SPAST: variants seen among roughly 807,000 people sequenced by gnomAD.
The protein encoded by SPAST is spastin, also known as spastic paraplegia 4 (autosomal dominant; spastin).
In SPAST, 30 loss-of-function variants were observed where a neutral mutation model predicts 76.6. The ratio of observed to expected loss-of-function variants is 0.39; its 90% CI spans 0.29 to 0.53. The LOEUF (loss-of-function observed/expected upper bound fraction) is 0.53. SPAST is among the 20% of genes least tolerant of loss of function. The pLI, the probability that SPAST is intolerant of heterozygous loss-of-function variation, is 0.68. For missense variants in SPAST, 717 were observed against 770.5 expected, an observed-to-expected ratio of 0.93 and a Z score of 0.82; for synonymous variants, 305 against 281.0, an observed-to-expected ratio of 1.09 and a Z score of -0.86.
intron 1 of SPAST, among the ~76,000 whole-genome samples, chr2:32,068,952 G>A (rs1408184082): frequency 6.6e-6 from 1 of 151,734 alleles, no homozygotes; most frequent in African/African-American, 2.4e-5. Flanking sequence ...GCCCATGCCT[G>A]TTATCCCAGC....
At chr2:32,101,530 C>T (rs1558313668) in intron 4 of SPAST, among the ~76,000 whole-genome samples, 1 of 152,132 alleles carries the variant, frequency 6.6e-6, no homozygotes, top group Non-Finnish European at 1.5e-5. Flanking sequence ...GGCATGAAGT[C>T]CTTGCCCATG....
chr2:32,154,669 C>T lies in SPAST; in HGVS notation c.*173C>T, dbSNP rs1407906060. 3.0e-6 allele frequency: 2 copies of T among 667,664 alleles called. No homozygotes were observed. Among genetic ancestry groups the T allele is most frequent in the Non-Finnish European group, 5.1e-6 (2 of 392,910 alleles). 41.4% of individuals were successfully genotyped at this position (667,664 alleles called of 1,614,324 possible). A position where few individuals can be genotyped will look rare whatever the true frequency, so the allele number is the denominator to read the frequency against. The stretch of plus-strand genomic sequence containing the variant: ...AGAAAACAGACTTAAACAAAATATA[C>T]AATGCAAATGTAATTTTTTGTTGTT... On this transcript the variant is annotated 3_prime_UTR_variant, in exon 17 of 17. Coordinates refer to ENST00000315285, the MANE Select transcript of SPAST (RefSeq NM_014946.4).
In SPAST at chr2:32,144,833, G is replaced by A. The variant is rs1254293157; in HGVS notation, c.1617-104G>A. 6 of 737,222 alleles carry A rather than the reference G, an allele frequency of 8.1e-6. No individual in the cohort carries two copies. In the East Asian group the frequency reaches 8.5e-5, roughly 10 times the overall value. The allele number at this position is 737,222 out of a possible 1,614,324, so 45.7% of individuals were successfully genotyped here. On this transcript the variant is annotated intron_variant, in intron 14 of 16. Transcript: ENST00000315285. ...CAGGAGGTGGAGATCACAGTGAGCTGAGATCATGCCATTGCACTCCAGCCT... is the reference window on the plus strand; with the variant it reads ...CAGGAGGTGGAGATCACAGTGAGCTAAGATCATGCCATTGCACTCCAGCCT...
chr2:32,071,146 C>T (rs1463998863), intron 1 of SPAST, among the ~76,000 whole-genome samples: 1 of 152,148 alleles, frequency 6.6e-6, no homozygotes, highest in African/African-American at 2.4e-5. Context: ...CGGAAATCTC[C>T]TGGGTAACAC....
chr2:32,118,004 C>G (rs1428683335), intron 7 of SPAST, among the ~76,000 whole-genome samples: 2 of 152,056 alleles, frequency 1.3e-5, no homozygotes, highest in Non-Finnish European at 2.9e-5. Flanking sequence ...TACTTAGCAC[C>G]GTTTTGAATT....
chr2:32,152,575 T>C (rs931034209), intron 16 of SPAST, among the ~76,000 whole-genome samples: 1 of 152,164 alleles, frequency 6.6e-6, no homozygotes, highest in African/African-American at 2.4e-5. Flanking sequence ...TATTAATTTC[T>C]ATAACAAATA....
chr2:32,138,864 A>T (rs562419370), intron 12 of SPAST, among the ~76,000 whole-genome samples: 1 of 152,186 alleles, frequency 6.6e-6, no homozygotes, highest in South Asian at 2.1e-4. Context: ...GTCCAGTTTC[A>T]TTTTTCTACA....
chr2:32,115,897 AC>A (rs769610857), intron 6 of SPAST, 62 bp downstream of exon 6: 428 of 1,332,876 alleles, frequency 3.2e-4, no homozygotes, highest in Non-Finnish European at 4.3e-4. Context: ...TACTTATAAA[AC>A]ATGTCAGGAG....
At chr2:32,100,768 T>C (rs1303557160) in intron 4 of SPAST, among the ~76,000 whole-genome samples, 1 of 152,200 alleles carries the variant, frequency 6.6e-6, no homozygotes, top group African/African-American at 2.4e-5. Flanking sequence ...GCTTCATCCA[T>C]GTCCCTACAA....
At chr2:32,109,947 T>C (rs945426782) in intron 4 of SPAST, among the ~76,000 whole-genome samples, 99 of 148,472 alleles carry the variant, frequency 6.7e-4, no homozygotes, top group Non-Finnish European at 1.2e-3. Context: ...CATATATAGT[T>C]ACATATGTAT....
At chr2:32,104,288 G>A (rs1045242168) in intron 4 of SPAST, among the ~76,000 whole-genome samples, 1 of 151,742 alleles carries the variant, frequency 6.6e-6, no homozygotes, top group African/African-American at 2.4e-5. Flanking sequence ...TGCTTTTTTT[G>A]TTTTCCATTT....
intron 3 of SPAST, among the ~76,000 whole-genome samples, chr2:32,096,390 G>A (rs1677915709): frequency 6.6e-6 from 1 of 152,106 alleles, no homozygotes; most frequent in South Asian, 2.1e-4. Flanking sequence ...AGCTGAGGTC[G>A]CACCACTGCG....
intron 4 of SPAST, among the ~76,000 whole-genome samples, chr2:32,112,593 A>C (rs1678658151): frequency 6.6e-6 from 1 of 151,648 alleles, no homozygotes; most frequent in South Asian, 2.1e-4. Flanking sequence ...TGATCCGCCC[A>C]CCTTGGCCTC....
At chr2:32,066,993 CCAAAAAAAAAAAA>C (rs1676545006) in intron 1 of SPAST, among the ~76,000 whole-genome samples, 1 of 41,678 alleles carries the variant, frequency 2.4e-5, no homozygotes, top group East Asian at 2.2e-3. Flanking sequence ...AAAAAAAAAA[CCAAAAAAAAAAAA>C]ACTGTTTTAA....
intron 4 of SPAST, among the ~76,000 whole-genome samples, chr2:32,111,637 C>G (rs1447631664): frequency 6.7e-6 from 1 of 149,982 alleles, no homozygotes; most frequent in Non-Finnish European, 1.5e-5. Context: ...TTTTTGTTCT[C>G]TAACTTTATA....
chr2:32,114,469 C>T (rs1678744528), intron 4 of SPAST, among the ~76,000 whole-genome samples, 169 bp from the exon 5 acceptor site: 1 of 152,094 alleles, frequency 6.6e-6, no homozygotes, highest in Non-Finnish European at 1.5e-5. Context: ...TCCTATCTAC[C>T]TAGTGACCAC....
chr2:32,106,507 A>G (rs1678326916), intron 4 of SPAST, among the ~76,000 whole-genome samples: 1 of 152,222 alleles, frequency 6.6e-6, no homozygotes, highest in South Asian at 2.1e-4. Context: ...TCAGTTGGAA[A>G]TGCAGAAATC....
intron 2 of SPAST, among the ~76,000 whole-genome samples, chr2:32,088,235 G>C (rs1393021037): frequency 6.6e-6 from 1 of 151,750 alleles, no homozygotes; most frequent in Non-Finnish European, 1.5e-5. Context: ...GTCTCACTGT[G>C]TTTCTGTGAC....
intron 1 of SPAST, among the ~76,000 whole-genome samples, chr2:32,072,915 G>A (rs10084280): frequency 0.08 from 12,158 of 152,180 alleles, 578 homozygotes; most frequent in Middle Eastern, 0.13. Context: ...CTGATAAATG[G>A]ACATTCAGAT....
Sources: allele counts gnomAD v4.1 joint callset (sites outside exome capture counted in the v4.1 genomes callset), GRCh38; gene constraint gnomAD v4.1.1; transcripts MANE v1.5; gene names NCBI Gene and HGNC (gene_info 2026-07-23, HGNC 2026-07-21).